OR5D3: variants seen among roughly 807,000 people sequenced by gnomAD.
The protein encoded by OR5D3 is olfactory receptor 5D3.
At chr11:55,729,566 T>C in the OR5D3 span, 10 of 152,182 alleles carry the variant, frequency 6.6e-5, no homozygotes, top group East Asian at 1.2e-3. Context: ...TGTATTAGTG[T>C]TGGACAAATA....
the OR5D3 span, chr11:55,726,315 C>G: frequency 2.3e-6 from 1 of 443,902 alleles, no homozygotes; most frequent in Non-Finnish European, 4.0e-6. Context: ...TCCTGACCAT[C>G]TACACAATCA....
At chr11:55,725,438 C>T in the OR5D3 span, among the ~76,000 whole-genome samples, 1 of 152,044 alleles carries the variant, frequency 6.6e-6, no homozygotes, top group Non-Finnish European at 1.5e-5. Flanking sequence ...GTACTCAGTA[C>T]TTTCATGTTT....
At chr11:55,729,279 C>T in the OR5D3 span, 20 of 151,628 alleles carry the variant, frequency 1.3e-4, no homozygotes, top group Non-Finnish European at 2.2e-4. Flanking sequence ...TGCTAATGGT[C>T]ATATTAAGTG....
At chr11:55,725,351 A>T in the OR5D3 span, among the ~76,000 whole-genome samples, 65 of 152,198 alleles carry the variant, frequency 4.3e-4, no homozygotes, top group Middle Eastern at 3.4e-3. Context: ...TCTTCCTGAC[A>T]CTTATTCTTG....
chr11:55,727,852 A>G, the OR5D3 span: 1 of 152,052 alleles, frequency 6.6e-6, no homozygotes, highest in Non-Finnish European at 1.5e-5. Flanking sequence ...AAGAAATAAT[A>G]TAGAGGAATT....
chr11:55,723,805 T>C, the OR5D3 span: 10,516 of 347,316 alleles, frequency 0.03, 207 homozygotes, highest in East Asian at 0.036. Context: ...GGCAAATATT[T>C]GTGACACAGT....
At chr11:55,725,568 G>A in the OR5D3 span, among the ~76,000 whole-genome samples, 5 of 151,846 alleles carry the variant, frequency 3.3e-5, no homozygotes, top group African/African-American at 9.7e-5. Context: ...ATATTTTGTT[G>A]CAATAATCTT....
chr11:55,726,842 G>T, the OR5D3 span: 1 of 399,026 alleles, frequency 2.5e-6, no homozygotes, highest in Non-Finnish European at 4.4e-6. Flanking sequence ...GAAATAAGCA[G>T]CCTGGTGATC....
the OR5D3 span, among the ~76,000 whole-genome samples, chr11:55,725,832 A>G: frequency 8.5e-5 from 13 of 152,084 alleles, no homozygotes; most frequent in African/African-American, 3.1e-4. Flanking sequence ...CTTTAGAGGT[A>G]CAGCAGGAAT....
chr11:55,725,612 C>T, the OR5D3 span, among the ~76,000 whole-genome samples: 1 of 151,830 alleles, frequency 6.6e-6, no homozygotes, highest in African/African-American at 2.4e-5. Context: ...TTAAAAATAA[C>T]ATGAAAATTT....
the OR5D3 span, chr11:55,728,720 C>T: frequency 6.6e-6 from 1 of 152,042 alleles, no homozygotes; most frequent in Non-Finnish European, 1.5e-5. Flanking sequence ...ATGCTTTACA[C>T]CAACTTACAT....
chr11:55,728,841 T>A, the OR5D3 span: 2 of 152,066 alleles, frequency 1.3e-5, no homozygotes, highest in African/African-American at 4.8e-5. Context: ...TAATGAGTCA[T>A]AATTAAATGC....
At chr11:55,725,190 T>C in the OR5D3 span, among the ~76,000 whole-genome samples, 3 of 152,054 alleles carry the variant, frequency 2.0e-5, no homozygotes, top group Admixed American at 2.0e-4. Flanking sequence ...CTGTGTTTTA[T>C]AACCACTACA....
the OR5D3 span, chr11:55,727,228 A>G: frequency 2.5e-6 from 1 of 397,244 alleles, no homozygotes; most frequent in East Asian, 3.6e-5. Context: ...CATTGCATGA[A>G]ATTATGATAA....
At chr11:55,726,334 G>A in the OR5D3 span, 3 of 455,778 alleles carry the variant, frequency 6.6e-6, no homozygotes, top group Non-Finnish European at 1.2e-5. Flanking sequence ...CACTGTGATG[G>A]GGAATCTGGG....
the OR5D3 span, chr11:55,728,381 T>A: frequency 6.6e-6 from 1 of 152,102 alleles, no homozygotes; most frequent in African/African-American, 2.4e-5. Flanking sequence ...CAAAATTGAT[T>A]GAAACATTTA....
the OR5D3 span, chr11:55,726,286 A>G: frequency 4.8e-6 from 2 of 416,896 alleles, no homozygotes; most frequent in South Asian, 1.0e-4. Context: ...AGACCTTCAG[A>G]TACCCCTGTT....
At chr11:55,725,219 G>A in the OR5D3 span, among the ~76,000 whole-genome samples, 1 of 152,026 alleles carries the variant, frequency 6.6e-6, no homozygotes, top group Admixed American at 6.6e-5. Flanking sequence ...CAATCTTTCT[G>A]CTTCCATTCT....
the OR5D3 span, among the ~76,000 whole-genome samples, chr11:55,725,477 G>A: frequency 1.3e-5 from 2 of 152,002 alleles, no homozygotes; most frequent in African/African-American, 4.8e-5. Flanking sequence ...CCTGTCTTCT[G>A]AGATTTGCCA....
Sources: gnomAD v4.1 joint callset for allele counts (sites outside exome capture counted in the v4.1 genomes callset) on GRCh38, gnomAD v4.1.1 for gene constraint, MANE v1.5 for transcripts, NCBI Gene and HGNC (gene_info 2026-07-23, HGNC 2026-07-21) for gene names.